CACNB2: variants seen among roughly 807,000 people sequenced by gnomAD.
The protein encoded by CACNB2 is voltage-dependent L-type calcium channel subunit beta-2.
In CACNB2, 42 loss-of-function variants were observed where a neutral mutation model predicts 73.3. That is an observed-to-expected ratio of 0.57 (90% CI 0.45 to 0.74). The LOEUF is 0.74. Ranked by LOEUF, CACNB2 falls within the 30% of genes least tolerant of loss-of-function variation. The probability of loss-of-function intolerance (pLI) is 0.00; values close to 1 mark genes in which losing one functional copy is unlikely to be tolerated. For missense variants in CACNB2, 940 were observed against 853.0 expected (o/e 1.10, Z -1.27); for synonymous variants, 348 against 310.3 (o/e 1.12, Z -1.28).
At chr10:18,539,118 A>G in intron 13 of CACNB2, 112 bp from the exon 14 acceptor site, 1 of 1,384,714 alleles carries the variant, frequency 7.2e-7, no homozygotes, top group Non-Finnish European at 1.0e-6. Context: ...GTTAGACTTC[A>G]TTTCAGCTTT....
chr10:18,529,457 G>A (rs2052783645), intron 10 of CACNB2, among the ~76,000 whole-genome samples: 1 of 152,212 alleles, frequency 6.6e-6, no homozygotes, highest in African/African-American at 2.4e-5. Flanking sequence ...AAGTGGTCGA[G>A]CCATGAACTG....
At chr10:18,203,925 A>G (rs73595523) in intron 2 of CACNB2, among the ~76,000 whole-genome samples, 6,303 of 152,326 alleles carry the variant, frequency 0.041, 441 homozygotes, top group African/African-American at 0.14. Flanking sequence ...ATTTGTGCAT[A>G]GAAGTTTCAG....
At chr10:18,272,132 A>T (rs1162314007) in intron 2 of CACNB2, among the ~76,000 whole-genome samples, 1 of 151,808 alleles carries the variant, frequency 6.6e-6, no homozygotes, top group East Asian at 1.9e-4. Context: ...TTATTGGGTG[A>T]ATCAGTTTTT....
At chr10:18,360,560 C>A (rs1213919647) in intron 2 of CACNB2, among the ~76,000 whole-genome samples, 1 of 152,180 alleles carries the variant, frequency 6.6e-6, no homozygotes, top group Admixed American at 6.5e-5. Context: ...TGCTGTGTTT[C>A]TAATAATTCA....
intron 2 of CACNB2, among the ~76,000 whole-genome samples, chr10:18,311,089 G>A (rs945465197): frequency 2.0e-5 from 3 of 152,010 alleles, no homozygotes; most frequent in Admixed American, 1.3e-4. Flanking sequence ...TCTCTCTGAA[G>A]ATACCAATTT....
chr10:18,475,923 T>C (rs1589466728), intron 3 of CACNB2, among the ~76,000 whole-genome samples: 1 of 152,148 alleles, frequency 6.6e-6, no homozygotes, highest in East Asian at 1.9e-4. Flanking sequence ...TTCTTGGACC[T>C]TGTGCAAGGA....
intron 3 of CACNB2, among the ~76,000 whole-genome samples, chr10:18,481,230 ATTTTTTTTTTTTTTTTT>A (rs1183940542): frequency 5.6e-5 from 1 of 17,988 alleles, no homozygotes; most frequent in Non-Finnish European, 9.4e-5. Context: ...ATATATATAT[ATTTTTTTTTTTTTTTTT>A]TTTTTTTTTT....
At chr10:18,461,635 C>T (rs780433217) in intron 3 of CACNB2, among the ~76,000 whole-genome samples, 1 of 152,000 alleles carries the variant, frequency 6.6e-6, no homozygotes, top group South Asian at 2.1e-4. Flanking sequence ...AGAGTCTCAA[C>T]CTAGATCCCT....
At chr10:18,160,664 T>C (rs2032392059) in intron 2 of CACNB2, among the ~76,000 whole-genome samples, 1 of 152,206 alleles carries the variant, frequency 6.6e-6, no homozygotes, top group Non-Finnish European at 1.5e-5. Flanking sequence ...ATTACTTACT[T>C]AGCTTAAAGT....
intron 4 of CACNB2, among the ~76,000 whole-genome samples, chr10:18,499,578 G>A (rs1161119619): frequency 9.0e-6 from 1 of 111,128 alleles, no homozygotes; most frequent in Non-Finnish European, 1.9e-5. Context: ...TTGCGCCACT[G>A]CACCCGAGCC....
At chr10:18,200,579 A>T (rs2034836646) in intron 2 of CACNB2, among the ~76,000 whole-genome samples, 1 of 152,054 alleles carries the variant, frequency 6.6e-6, no homozygotes, top group Non-Finnish European at 1.5e-5. Flanking sequence ...CATTACTATT[A>T]GGTATGTTTT....
At position 18,220,232 on chromosome 10, in the gene CACNB2, T is replaced by TGGGGGG. The variant is rs2035719332; in HGVS notation, c.213+69257_213+69258insGGGGGG. Among the ~76,000 whole-genome samples, 7 of 25,090 alleles carry TGGGGGG rather than the reference T, an allele frequency of 2.8e-4. 1 individual carries two copies. The East Asian group carries it at 3.9e-3, about 14-fold the overall frequency. 16.5% of individuals were successfully genotyped at this position (25,090 alleles called of 152,430 possible). A position where few individuals can be genotyped will look rare whatever the true frequency, so the allele number is the denominator to read the frequency against. ...ATATATATATATATATATATATATA[T>TGGGGGG]AGAGAGAGAGAGAGAGAGAGAGAGA... On this transcript the variant is annotated intron_variant, in intron 2 of 13. Coordinates refer to ENST00000324631, the MANE Select transcript of CACNB2 (RefSeq NM_201596.3).
At chr10:18,491,785 C>T (rs1044181680) in intron 3 of CACNB2, among the ~76,000 whole-genome samples, 4 of 121,742 alleles carry the variant, frequency 3.3e-5, no homozygotes, top group South Asian at 2.7e-4. Flanking sequence ...TCAATGATTC[C>T]GTAAGGGATA....
intron 2 of CACNB2, among the ~76,000 whole-genome samples, chr10:18,153,277 C>G (rs2031757770): frequency 6.6e-6 from 1 of 152,244 alleles, no homozygotes. Flanking sequence ...TATGGCATGG[C>G]TTTTGGGGTA....
intron 2 of CACNB2, among the ~76,000 whole-genome samples, chr10:18,345,134 A>G (rs2041396383): frequency 1.3e-5 from 2 of 152,210 alleles, no homozygotes; most frequent in African/African-American, 2.4e-5. Context: ...ACAAATTTGA[A>G]CATATGGTTT....
At chr10:18,376,754 C>T (rs565195366) in intron 2 of CACNB2, among the ~76,000 whole-genome samples, 10 of 152,226 alleles carry the variant, frequency 6.6e-5, no homozygotes, top group Non-Finnish European at 2.9e-5. Context: ...TATCTTAAGG[C>T]TGGCATCTTC....
At chr10:18,508,853 TA>T (rs1243210663) in intron 6 of CACNB2, among the ~76,000 whole-genome samples, 6 of 152,222 alleles carry the variant, frequency 3.9e-5, no homozygotes, top group Non-Finnish European at 7.3e-5. Flanking sequence ...TGAACCAGTG[TA>T]TGTCAAGGAC....
intron 2 of CACNB2, among the ~76,000 whole-genome samples, chr10:18,181,569 T>TTTATG (rs2033883380): frequency 1.6e-5 from 1 of 63,830 alleles, no homozygotes; most frequent in African/African-American, 9.3e-5. Flanking sequence ...ACTTTTTTAT[T>TTTATG]TTATTTTATT....
chr10:18,288,559 T>C lies in CACNB2; in HGVS notation c.214-113365T>C, dbSNP rs369539655. ...CAAAATACTGTTTTCAATTTCCTAA[T>C]GGAACTGTAACCAATTAGTCAACCA... On this transcript the variant is annotated intron_variant, in intron 2 of 13. Coordinates refer to ENST00000324631, the MANE Select transcript of CACNB2 (RefSeq NM_201596.3). Among the ~76,000 whole-genome samples, 12 of 152,306 alleles carry C rather than the reference T, an allele frequency of 7.9e-5. No individual in the cohort carries two copies. In the East Asian group the frequency reaches 1.3e-3, roughly 17 times the overall value.
Sources: allele counts gnomAD v4.1 joint callset (sites outside exome capture counted in the v4.1 genomes callset), GRCh38; gene constraint gnomAD v4.1.1; transcripts MANE v1.5; gene names NCBI Gene and HGNC (gene_info 2026-07-23, HGNC 2026-07-21).